SEMA5A: variants seen among roughly 807,000 people sequenced by gnomAD.
The protein encoded by SEMA5A is semaphorin 5A, also known as semaphorin-5A.
Under a neutral mutation model 135.5 loss-of-function variants are expected in SEMA5A, and 55 were observed. That is an observed-to-expected ratio of 0.41 (90% CI 0.33 to 0.51). The LOEUF (loss-of-function observed/expected upper bound fraction) is 0.51. SEMA5A is among the 20% of genes least tolerant of loss of function. The probability of loss-of-function intolerance (pLI) is 0.37; values close to 1 mark genes in which losing one functional copy is unlikely to be tolerated. For synonymous variants in SEMA5A, 580 were observed against 546.5 expected, an observed-to-expected ratio of 1.06 and a Z score of -0.85; for missense variants, 1,290 against 1,419.9, an observed-to-expected ratio of 0.91 and a Z score of 1.47.
At chr5:9,345,552 C>T (rs1159125919) in intron 3 of SEMA5A, among the ~76,000 whole-genome samples, 2 of 147,870 alleles carry the variant, frequency 1.4e-5, no homozygotes, top group Non-Finnish European at 3.0e-5. Flanking sequence ...GTGGTCTGTA[C>T]CAGGCTGACC....
chr5:9,323,819 G>A (rs937592653), intron 4 of SEMA5A, among the ~76,000 whole-genome samples: 2 of 150,714 alleles, frequency 1.3e-5, no homozygotes, highest in Non-Finnish European at 3.0e-5. Context: ...ATGCCACCAC[G>A]CCTGACTAAT....
At chr5:9,540,249 T>C (rs1738006418) in intron 1 of SEMA5A, among the ~76,000 whole-genome samples, 1 of 152,020 alleles carries the variant, frequency 6.6e-6, no homozygotes, top group African/African-American at 2.4e-5. Flanking sequence ...TCTGTATCAG[T>C]GAAAGACTTT....
In SEMA5A at chr5:9,197,214, G is replaced by A. The variant is rs144217326; in HGVS notation, c.1022C>T (p.Ser341Leu). Residue 341 changes from serine (S) to leucine (L), a missense_variant, in exon 10 of 23, where the codon TCG becomes TTG. Transcript: ENST00000382496. ...FSGPFKYQEN[S>L]RSAWLPYPNP... ...GGGATACGGTAGCCAGGCCGAGCGC[G>A]AGTTTTCTTGGTACTTGAAGGGCCC... is the stretch of plus-strand genomic sequence containing the variant. 314 of 1,614,236 alleles carry A rather than the reference G, an allele frequency of 1.9e-4. No individual in the cohort carries two copies. Among genetic ancestry groups the A allele is most frequent in the South Asian group, 8.7e-4 (79 of 91,080 alleles).
intron 2 of SEMA5A, among the ~76,000 whole-genome samples, chr5:9,394,151 A>C (rs1756286401): frequency 6.6e-6 from 1 of 152,150 alleles, no homozygotes; most frequent in South Asian, 2.1e-4. Flanking sequence ...TGAACAACAG[A>C]GGTATTCCCC....
At chr5:9,306,767 T>C (rs1751889837) in intron 5 of SEMA5A, among the ~76,000 whole-genome samples, 1 of 152,160 alleles carries the variant, frequency 6.6e-6, no homozygotes. Flanking sequence ...CTTGTGTTCA[T>C]AGAGATTTTC....
chr5:9,436,056 A>C (rs936579483), intron 2 of SEMA5A, among the ~76,000 whole-genome samples: 13 of 152,110 alleles, frequency 8.5e-5, no homozygotes, highest in Non-Finnish European at 2.9e-5. Flanking sequence ...TCTGCCTCTG[A>C]CTCACTGCAA....
intron 11 of SEMA5A, among the ~76,000 whole-genome samples, chr5:9,171,799 G>A (rs2150308892): frequency 6.6e-6 from 1 of 152,300 alleles, no homozygotes; most frequent in African/African-American, 2.4e-5. Flanking sequence ...GCAAGAGTCA[G>A]AAGACCTGGA....
chr5:9,270,904 G>C (rs934467781), intron 5 of SEMA5A, among the ~76,000 whole-genome samples: 1 of 152,096 alleles, frequency 6.6e-6, no homozygotes, highest in Non-Finnish European at 1.5e-5. Flanking sequence ...CCTATTTTCT[G>C]ATCACTTGCT....
intron 2 of SEMA5A, among the ~76,000 whole-genome samples, chr5:9,411,163 T>A (rs1348370320): frequency 1.3e-5 from 2 of 152,200 alleles, no homozygotes; most frequent in East Asian, 3.9e-4. Flanking sequence ...AGATGCTGCC[T>A]AATAGAAATC....
chr5:9,267,789 A>G (rs1377773833), intron 5 of SEMA5A, among the ~76,000 whole-genome samples: 2 of 152,146 alleles, frequency 1.3e-5, no homozygotes, highest in African/African-American at 4.8e-5. Flanking sequence ...CGAAGTGGAT[A>G]AGGAAAGAGA....
chr5:9,375,140 TC>T (rs1755309730), intron 3 of SEMA5A, among the ~76,000 whole-genome samples: 2 of 152,112 alleles, frequency 1.3e-5, no homozygotes, highest in African/African-American at 4.8e-5. Context: ...CCCACACATA[TC>T]ACCATCTGGT....
chr5:9,423,553 T>C (rs983459180), intron 2 of SEMA5A, among the ~76,000 whole-genome samples: 1 of 152,254 alleles, frequency 6.6e-6, no homozygotes, highest in Non-Finnish European at 1.5e-5. Context: ...GTGCCAAATC[T>C]TGTTTTCACT....
At chr5:9,053,112 T>C (rs963060866) in intron 19 of SEMA5A, among the ~76,000 whole-genome samples, 2 of 152,210 alleles carry the variant, frequency 1.3e-5, no homozygotes, top group Non-Finnish European at 1.5e-5. Context: ...TGTTTCAATG[T>C]CAAAGTTAGA....
intron 2 of SEMA5A, among the ~76,000 whole-genome samples, chr5:9,386,182 A>G (rs1041116155): frequency 2.0e-5 from 3 of 152,244 alleles, no homozygotes; most frequent in Non-Finnish European, 4.4e-5. Context: ...TGAACTGCTC[A>G]CACAGAAACT....
chr5:9,234,321 G>A (rs768319344), intron 6 of SEMA5A, among the ~76,000 whole-genome samples: 2 of 152,138 alleles, frequency 1.3e-5, no homozygotes, highest in Non-Finnish European at 2.9e-5. Context: ...CCAGGAGCTG[G>A]GCTTGGTCAG....
At chr5:9,374,020 G>T (rs984614227) in intron 3 of SEMA5A, among the ~76,000 whole-genome samples, 4 of 152,250 alleles carry the variant, frequency 2.6e-5, no homozygotes, top group African/African-American at 9.6e-5. Flanking sequence ...TGTCTTGAAG[G>T]GTCACTATTT....
At chr5:9,051,743 A>ATGTTTTTAAGGTGTTTTT in intron 20 of SEMA5A, 130 bp downstream of exon 20, 1 of 1,139,168 alleles carries the variant, frequency 8.8e-7, no homozygotes, top group Non-Finnish European at 1.3e-6. Context: ...AAACACCTTG[A>ATGTTTTTAAGGTGTTTTT]AACCATGGGG....
intron 13 of SEMA5A, among the ~76,000 whole-genome samples, chr5:9,124,597 C>T (rs253659): frequency 0.15 from 23,383 of 152,068 alleles, 3,438 homozygotes; most frequent in African/African-American, 0.35. Flanking sequence ...GCTGGGACTA[C>T]AGGCACCTGT....
chr5:9,249,382 G>A (rs1295188406), intron 5 of SEMA5A, among the ~76,000 whole-genome samples: 2 of 152,030 alleles, frequency 1.3e-5, no homozygotes. Flanking sequence ...TGCCATTTCT[G>A]GTCACGTTGC....
Sources: gnomAD v4.1 joint callset for allele counts (sites outside exome capture counted in the v4.1 genomes callset) on GRCh38, gnomAD v4.1.1 for gene constraint, MANE v1.5 for transcripts, NCBI Gene and HGNC (gene_info 2026-07-23, HGNC 2026-07-21) for gene names.